Variants in TIMP3 observed in about 807,000 individuals in gnomAD.
TIMP3 encodes metalloproteinase inhibitor 3.
In TIMP3, 11 loss-of-function variants were observed where a neutral mutation model predicts 30.0. The observed-to-expected ratio is 0.37, with a 90% CI of 0.23 to 0.61. TIMP3 has a LOEUF of 0.61. TIMP3 is among the 20% of genes least tolerant of loss of function. The pLI is 0.70. For synonymous variants in TIMP3, 112 were observed against 111.3 expected (o/e 1.01, Z -0.04); for missense variants, 181 against 276.8 (o/e 0.65, Z 2.45).
intron 1 of TIMP3, among the ~76,000 whole-genome samples, chr22:32,805,550 C>T (rs566395021): frequency 5.3e-5 from 8 of 152,226 alleles, no homozygotes; most frequent in Admixed American, 4.6e-4. Flanking sequence ...TGCTATCCAG[C>T]TGGAGGAGGG....
intron 1 of TIMP3, among the ~76,000 whole-genome samples, chr22:32,840,852 C>A (rs2047878612): frequency 6.6e-6 from 1 of 152,206 alleles, no homozygotes; most frequent in Non-Finnish European, 1.5e-5. Context: ...GCCTGCCTTA[C>A]TTGAGTGTCA....
At chr22:32,857,721 A>G (rs1041582129) in intron 3 of TIMP3, among the ~76,000 whole-genome samples, 1 of 152,316 alleles carries the variant, frequency 6.6e-6, no homozygotes, top group South Asian at 2.1e-4. Flanking sequence ...GAGAAAACAA[A>G]AACAAAAATC....
At position 32,859,264 on chromosome 22, in the gene TIMP3, C is replaced by T. The variant is rs1310613651; in HGVS notation, c.523C>T (p.Pro175Ser). 1 of 1,614,174 alleles carries T rather than the reference C, an allele frequency of 6.2e-7. No homozygotes were observed. The highest frequency in any genetic ancestry group is 8.5e-7 in the Non-Finnish European group (1 of 1,180,034). The change falls in exon 5 of 5, where the codon CCT becomes TCT. Residue 175 changes from proline to serine, a missense_variant. Transcript: ENST00000266085. ...WTDMLSNFGY[P>S]GYQSKHYACI... Reference sequence around the variant, plus strand: ...CGACATGCTCTCCAATTTCGGTTACCCTGGCTACCAGTCCAAACACTACGC... The same window carrying T: ...CGACATGCTCTCCAATTTCGGTTACTCTGGCTACCAGTCCAAACACTACGC...
At chr22:32,821,075 C>CGGT (rs923445278) in intron 1 of TIMP3, among the ~76,000 whole-genome samples, 1 of 152,002 alleles carries the variant, frequency 6.6e-6, no homozygotes, top group African/African-American at 2.4e-5. Context: ...GAATACCCAC[C>CGGT]GGTGCAATCT....
intron 2 of TIMP3, among the ~76,000 whole-genome samples, chr22:32,855,926 T>C (rs1278779662): frequency 2.6e-5 from 4 of 152,230 alleles, no homozygotes; most frequent in Non-Finnish European, 4.4e-5. Context: ...TAAAACTCTT[T>C]GAACTTTGTA....
At chr22:32,843,299 TCTC>T (rs1440188306) in intron 1 of TIMP3, among the ~76,000 whole-genome samples, 5 of 152,216 alleles carry the variant, frequency 3.3e-5, no homozygotes, top group Non-Finnish European at 5.9e-5. Context: ...TTCCCTTCCT[TCTC>T]CTCTAGATTC....
intron 1 of TIMP3, among the ~76,000 whole-genome samples, chr22:32,823,240 G>A (rs190772142): frequency 6.6e-6 from 1 of 152,184 alleles, no homozygotes; most frequent in East Asian, 1.9e-4. Context: ...GGTGGGACTT[G>A]TAAGTCCCGT....
chr22:32,847,860 C>T (rs1007909359), intron 1 of TIMP3, among the ~76,000 whole-genome samples: 2 of 152,224 alleles, frequency 1.3e-5, no homozygotes, highest in Non-Finnish European at 2.9e-5. Flanking sequence ...ATAAGCAAGC[C>T]CCATTCCAAT....
chr22:32,842,387 C>T (rs935572088), intron 1 of TIMP3, among the ~76,000 whole-genome samples: 1 of 152,138 alleles, frequency 6.6e-6, no homozygotes, highest in South Asian at 2.1e-4. Context: ...GCCCTTTCCT[C>T]TCACCTAGAC....
chr22:32,839,961 G>C (rs2047845824), intron 1 of TIMP3, among the ~76,000 whole-genome samples: 1 of 151,988 alleles, frequency 6.6e-6, no homozygotes, highest in Admixed American at 6.5e-5. Flanking sequence ...TGCTCACAAG[G>C]TGAGGAGAGC....
chr22:32,831,334 A>T (rs997026817), intron 1 of TIMP3, among the ~76,000 whole-genome samples: 1 of 152,186 alleles, frequency 6.6e-6, no homozygotes, highest in African/African-American at 2.4e-5. Flanking sequence ...GGACCCAGAG[A>T]AGAGGTGAAT....
chr22:32,844,149 A>G (rs1181540618), intron 1 of TIMP3, among the ~76,000 whole-genome samples: 2 of 152,164 alleles, frequency 1.3e-5, no homozygotes, highest in Non-Finnish European at 2.9e-5. Flanking sequence ...CCAGTAGGAA[A>G]GTCCAACCAT....
chr22:32,845,209 T>C (rs1010037344), intron 1 of TIMP3, among the ~76,000 whole-genome samples: 3 of 152,158 alleles, frequency 2.0e-5, no homozygotes, highest in Non-Finnish European at 4.4e-5. Flanking sequence ...ATAAACTTTT[T>C]TTTTTTGAGA....
chr22:32,846,452 A>G (rs1207913835), intron 1 of TIMP3, among the ~76,000 whole-genome samples: 3 of 152,254 alleles, frequency 2.0e-5, no homozygotes, highest in Admixed American at 1.3e-4. Flanking sequence ...AGACATCACC[A>G]TAGTGGTGAT....
chr22:32,851,942 T>A (rs1348517741), intron 2 of TIMP3, among the ~76,000 whole-genome samples: 2 of 152,170 alleles, frequency 1.3e-5, no homozygotes, highest in Non-Finnish European at 2.9e-5. Flanking sequence ...CCATCCATCC[T>A]CTCGTGCTTC....
intron 1 of TIMP3, among the ~76,000 whole-genome samples, chr22:32,804,342 GT>G (rs1475716170): frequency 6.6e-6 from 1 of 152,164 alleles, no homozygotes; most frequent in East Asian, 1.9e-4. Flanking sequence ...TGGCTCCCAA[GT>G]TTCATTGCTC....
chr22:32,850,563 C>T (rs149288662), intron 2 of TIMP3, among the ~76,000 whole-genome samples: 250 of 152,170 alleles, frequency 1.6e-3, no homozygotes, highest in South Asian at 5.2e-3. Flanking sequence ...GCCAGGGAGG[C>T]CGTGAGGGAG....
chr22:32,817,581 C>T lies in TIMP3; in HGVS notation c.121+15459C>T, dbSNP rs192944099. On this transcript the variant is annotated intron_variant, in intron 1 of 4. Transcript: ENST00000266085. The stretch of plus-strand genomic sequence containing the variant: ...ATGGCTGTAGTGGTGCCAGTGGGTG[C>T]TTTGTAGGGACCAGAAGAAAAAGGA... Among the ~76,000 whole-genome samples, 126 of 152,228 alleles carry T rather than the reference C, an allele frequency of 8.3e-4. 2 individuals are homozygous for T. Among genetic ancestry groups the T allele is most frequent in the African/African-American group, 2.7e-3 (112 of 41,554 alleles).
At chr22:32,844,083 T>C (rs1437698575) in intron 1 of TIMP3, among the ~76,000 whole-genome samples, 3 of 152,054 alleles carry the variant, frequency 2.0e-5, no homozygotes, top group African/African-American at 4.8e-5. Context: ...AGTTAAGGAG[T>C]CCTTGATCCC....
Sources: allele counts gnomAD v4.1 joint callset (sites outside exome capture counted in the v4.1 genomes callset), GRCh38; gene constraint gnomAD v4.1.1; transcripts MANE v1.5; gene names NCBI Gene and HGNC (gene_info 2026-07-23, HGNC 2026-07-21).